Variants in MME observed in about 807,000 individuals in gnomAD.
The protein encoded by MME is neprilysin.
In MME, 98 loss-of-function variants were observed where a neutral mutation model predicts 113.2. The observed-to-expected ratio is 0.87, with a 90% confidence interval of 0.74 to 1.02. The LOEUF is 1.02. Ranked by LOEUF, MME falls within the 50% of genes least tolerant of loss-of-function variation. The pLI is 0.00. For missense variants in MME, 836 were observed against 896.0 expected (o/e 0.93, Z 0.86); for synonymous variants, 292 against 300.6 (o/e 0.97, Z 0.30).
chr3:155,090,061 C>T (rs552469796), intron 3 of MME: 11 of 261,482 alleles, frequency 4.2e-5, no homozygotes, highest in Non-Finnish European at 7.2e-5. Context: ...CAAGCTAAGA[C>T]GTGATCAATA....
At chr3:155,079,785 G>C (rs1714950977), upstream of MME, 1 of 152,558 alleles carries the variant, frequency 6.6e-6, no homozygotes, top group Non-Finnish European at 1.5e-5. Flanking sequence ...GGGTCGGAGG[G>C]ATGCCCAGGT....
rs200670132 is a variant in MME at position 155,181,778 on chromosome 3, G to A, written c.*1319G>A. On this transcript the variant is annotated 3_prime_UTR_variant, in exon 23 of 23. Coordinates refer to ENST00000360490, the MANE Select transcript of MME (RefSeq NM_007289.4). ...TTTTCCTGTTGTATTGACTATTTTCGTTCATTACTTGATTAAGATTTTACA... is the reference window on the plus strand; with the variant it reads ...TTTTCCTGTTGTATTGACTATTTTCATTCATTACTTGATTAAGATTTTACA... The A allele has an allele frequency of 1.1e-4, 16 of 151,838 alleles. No individual in the cohort carries two copies. Among genetic ancestry groups the A allele is most frequent in the Admixed American group, 5.9e-4 (9 of 15,228 alleles). 9.4% of individuals were successfully genotyped at this position (151,838 alleles called of 1,614,324 possible). A position where few individuals can be genotyped will look rare whatever the true frequency, so the allele number is the denominator to read the frequency against.
upstream of MME, among the ~76,000 whole-genome samples, chr3:155,078,538 A>T (rs1576687277): frequency 6.6e-6 from 1 of 151,968 alleles, no homozygotes; most frequent in African/African-American, 2.4e-5. Context: ...AAGATGGAAA[A>T]TTTTTTAGCA....
intron 1 of MME, among the ~76,000 whole-genome samples, chr3:155,057,017 A>G (rs1713952804): frequency 6.6e-6 from 1 of 152,196 alleles, no homozygotes; most frequent in African/African-American, 2.4e-5. Flanking sequence ...AGGCATTACC[A>G]TTCAGGACAT....
chr3:155,173,687 A>C (rs1397135950), intron 22 of MME, among the ~76,000 whole-genome samples: 2 of 151,964 alleles, frequency 1.3e-5, no homozygotes, highest in Admixed American at 1.3e-4. Flanking sequence ...TCCAAGCTAA[A>C]TTTAGTTCTG....
chr3:155,102,230 T>C (rs1395543203), intron 3 of MME, among the ~76,000 whole-genome samples: 1 of 152,158 alleles, frequency 6.6e-6, no homozygotes, highest in African/African-American at 2.4e-5. Context: ...TAGCAGATGG[T>C]GATGATTTAC....
intron 20 of MME, among the ~76,000 whole-genome samples, chr3:155,170,583 A>G (rs1187748734): frequency 2.0e-5 from 3 of 152,172 alleles, no homozygotes; most frequent in East Asian, 3.8e-4. Context: ...TAAGTACCAT[A>G]AATTATTATC....
chr3:155,139,173 T>G (rs113683882), intron 9 of MME, among the ~76,000 whole-genome samples: 210 of 152,256 alleles, frequency 1.4e-3, no homozygotes, highest in African/African-American at 4.8e-3. Flanking sequence ...GAAACAGACT[T>G]GCTAGAGGAG....
At chr3:155,149,372 C>T (rs1168173336) in intron 16 of MME, among the ~76,000 whole-genome samples, 1 of 152,096 alleles carries the variant, frequency 6.6e-6, no homozygotes, top group Non-Finnish European at 1.5e-5. Context: ...AAAGTCTCAG[C>T]ATCTAGCATA....
chr3:155,067,230 C>G (rs1175080905), intron 1 of MME, among the ~76,000 whole-genome samples: 2 of 131,708 alleles, frequency 1.5e-5, no homozygotes, highest in Non-Finnish European at 3.3e-5. Flanking sequence ...ACCTCTCATT[C>G]AAAGATAAAA....
intron 1 of MME, among the ~76,000 whole-genome samples, chr3:155,032,590 T>G (rs1426328489): frequency 6.6e-6 from 1 of 152,172 alleles, no homozygotes; most frequent in Non-Finnish European, 1.5e-5. Context: ...GAAAGGAGCC[T>G]CAACAGATGC....
Position 155,070,504 on chromosome 3 carries a change from G to A in MME, c.-10-13654G>A, listed in dbSNP as rs143485913. 7.0e-3 allele frequency among the ~76,000 whole-genome samples: 1,058 copies of A among 152,218 alleles called. 7 individuals carry two copies. The highest frequency in any genetic ancestry group is 0.012 in the Non-Finnish European group (789 of 68,016). On this transcript the variant is annotated intron_variant, in intron 1 of 22. Coordinates refer to the MME transcript ENST00000492661. ...ATCTGACTTGGTAAGAATGCTTGTG[G>A]TAAGAATGACCAGCTGATGAAAAGG... is the stretch of plus-strand genomic sequence containing the variant.
chr3:155,127,207 T>A (rs1222911703), intron 8 of MME, among the ~76,000 whole-genome samples: 1 of 152,162 alleles, frequency 6.6e-6, no homozygotes, highest in African/African-American at 2.4e-5. Context: ...AGTTTACTTC[T>A]GTCTGTCATG....
At chr3:155,140,372 C>A in intron 10 of MME, 80 bp downstream of exon 10, 19 of 707,968 alleles carry the variant, frequency 2.7e-5, no homozygotes, top group Non-Finnish European at 3.8e-5. Context: ...TAAAATTCGT[C>A]AAGTTTTTAT....
chr3:155,149,145 T>C (rs1431038186), intron 16 of MME, among the ~76,000 whole-genome samples: 2 of 152,208 alleles, frequency 1.3e-5, no homozygotes, highest in Admixed American at 1.3e-4. Context: ...ACCATTCTTA[T>C]TCACAGTCTT....
chr3:155,105,674 C>T (rs1717623707), intron 3 of MME, among the ~76,000 whole-genome samples: 1 of 152,138 alleles, frequency 6.6e-6, no homozygotes, highest in African/African-American at 2.4e-5. Flanking sequence ...ACTATGTGAA[C>T]TTGGGCACAA....
intron 9 of MME, among the ~76,000 whole-genome samples, chr3:155,139,242 G>A (rs1251289440): frequency 6.6e-6 from 1 of 152,080 alleles, no homozygotes; most frequent in African/African-American, 2.4e-5. Context: ...GCGCTCCTTT[G>A]ACCAGCATCA....
intron 1 of MME, among the ~76,000 whole-genome samples, chr3:155,055,888 G>A (rs1486699082): frequency 6.6e-6 from 1 of 152,088 alleles, no homozygotes; most frequent in Non-Finnish European, 1.5e-5. Flanking sequence ...TTGAATTATA[G>A]GGTTTTTGTA....
At chr3:155,034,875 A>G (rs1459423247) in intron 1 of MME, among the ~76,000 whole-genome samples, 1 of 152,200 alleles carries the variant, frequency 6.6e-6, no homozygotes, top group Non-Finnish European at 1.5e-5. Context: ...AACAAGTTTC[A>G]TATTTCCTGA....
Sources: gnomAD v4.1 joint callset for allele counts (sites outside exome capture counted in the v4.1 genomes callset) on GRCh38, gnomAD v4.1.1 for gene constraint, MANE v1.5 for transcripts, NCBI Gene and HGNC (gene_info 2026-07-23, HGNC 2026-07-21) for gene names.